The following EYA2 variants were observed in gnomAD, a reference collection of about 807,000 sequenced individuals.
EYA2 encodes the protein EYA transcriptional coactivator and phosphatase 2, also known as protein phosphatase EYA2.
A neutral mutation model predicts 69.2 loss-of-function variants in EYA2; 31 were observed. That is an observed-to-expected ratio of 0.45 (90% CI 0.34 to 0.60). The LOEUF (loss-of-function observed/expected upper bound fraction) is 0.60, where lower values mean the gene tolerates loss of function less well. Among genes scored for constraint, EYA2 ranks in the 20% least tolerant of loss-of-function variants. EYA2 has a pLI of 0.02. For synonymous variants in EYA2, 257 were observed against 279.4 expected, an observed-to-expected ratio of 0.92 and a Z score of 0.80; for missense variants, 622 against 701.2, an observed-to-expected ratio of 0.89 and a Z score of 1.28.
At position 47,171,520 on chromosome 20, in the gene EYA2, C is replaced by A. The variant is rs535672522; in HGVS notation, c.1038-1187C>A. Among the ~76,000 whole-genome samples, 8 of 152,166 alleles carry A rather than the reference C, an allele frequency of 5.3e-5. No individual in the cohort carries two copies. In the East Asian group the frequency reaches 1.4e-3, roughly 26 times the overall value. Reference sequence around the variant, plus strand: ...ATAACTCATTGCATATCCACAGTAACCCTAGGAGAGAGAGATGCTTTTATC... The same window carrying A: ...ATAACTCATTGCATATCCACAGTAAACCTAGGAGAGAGAGATGCTTTTATC... On this transcript the variant is annotated intron_variant, in intron 11 of 15. Transcript: ENST00000327619.
chr20:46,937,500 G>A (rs1161914108), intron 1 of EYA2, among the ~76,000 whole-genome samples: 1 of 152,154 alleles, frequency 6.6e-6, no homozygotes, highest in Non-Finnish European at 1.5e-5. Flanking sequence ...ACAGATTTTT[G>A]TTTTAGGATT....
intron 12 of EYA2, among the ~76,000 whole-genome samples, chr20:47,175,820 G>A (rs1453434866): frequency 2.0e-5 from 3 of 152,144 alleles, no homozygotes; most frequent in Non-Finnish European, 2.9e-5. Flanking sequence ...CCAGCTAAGG[G>A]TCTGTGGGGA....
At chr20:46,933,238 C>T (rs1307060164) in intron 1 of EYA2, among the ~76,000 whole-genome samples, 1 of 152,124 alleles carries the variant, frequency 6.6e-6, no homozygotes, top group Non-Finnish European at 1.5e-5. Context: ...TGCTTGGCTC[C>T]CTGCTGAGAA....
intron 9 of EYA2, among the ~76,000 whole-genome samples, chr20:47,121,789 T>C (rs2033052458): frequency 6.6e-6 from 1 of 152,158 alleles, no homozygotes; most frequent in African/African-American, 2.4e-5. Context: ...ACACAAGCTC[T>C]GCCCAAGACT....
At chr20:47,099,154 A>C (rs1244383672) in intron 9 of EYA2, among the ~76,000 whole-genome samples, 1 of 152,194 alleles carries the variant, frequency 6.6e-6, no homozygotes, top group African/African-American at 2.4e-5. Flanking sequence ...CCACCCAAGG[A>C]GTGAGGGAGC....
chr20:46,959,536 G>A (rs963946915), intron 1 of EYA2, among the ~76,000 whole-genome samples: 8 of 152,322 alleles, frequency 5.3e-5, no homozygotes, highest in Non-Finnish European at 1.0e-4. Flanking sequence ...TCCCTTTGCA[G>A]AACTTTATTC....
rs1568800662 is a variant in EYA2, at chr20:47,135,843, AAACAAACAAAC to A, written c.889-7213_889-7203del. ...CAAAAAAAAAAAAAAAAAAAAAAACAAACAAACAAACAAAAAACTAATTAATTAATTAATTA... is the reference window on the plus strand; with the variant it reads ...CAAAAAAAAAAAAAAAAAAAAAAACAAAAAAACTAATTAATTAATTAATTA... On this transcript the variant is annotated intron_variant, in intron 9 of 15. Coordinates refer to ENST00000327619, the MANE Select transcript of EYA2 (RefSeq NM_005244.5). 1.0e-3 allele frequency among the ~76,000 whole-genome samples: 70 copies of A among 67,990 alleles called. 8 individuals are homozygous for A. The African/African-American group carries it at 0.013, about 13-fold the overall frequency. 44.6% of individuals were successfully genotyped at this position (67,990 alleles called of 152,430 possible). A position where few individuals can be genotyped will look rare whatever the true frequency, so the allele number is the denominator to read the frequency against.
At chr20:47,089,909 G>C (rs984366839) in intron 8 of EYA2, among the ~76,000 whole-genome samples, 1 of 152,008 alleles carries the variant, frequency 6.6e-6, no homozygotes, top group Non-Finnish European at 1.5e-5. Flanking sequence ...AGGAACTAGG[G>C]GGGAGGAGGG....
chr20:47,063,392 C>CGTGTGCGTGTGCGTGTGT (rs1430441053), intron 5 of EYA2, among the ~76,000 whole-genome samples: 1 of 143,372 alleles, frequency 7.0e-6, no homozygotes, highest in Admixed American at 7.0e-5. Context: ...TGTGCGTGTG[C>CGTGTGCGTGTGCGTGTGT]GTGTGTGTGT....
intron 12 of EYA2, 65 bp from the exon 13 acceptor site, chr20:47,179,733 T>A (rs1192621798): frequency 8.5e-7 from 1 of 1,180,062 alleles, no homozygotes; most frequent in Non-Finnish European, 1.2e-6. Flanking sequence ...AGATTCCTGT[T>A]CCCTACCTTC....
At chr20:47,073,503 G>A (rs549770771) in intron 6 of EYA2, among the ~76,000 whole-genome samples, 208 of 151,778 alleles carry the variant, frequency 1.4e-3, no homozygotes, top group African/African-American at 4.7e-3. Context: ...GTGGGGGGGG[G>A]GTGCAGTGTG....
At chr20:47,103,258 T>C (rs1019799482) in intron 9 of EYA2, among the ~76,000 whole-genome samples, 14 of 152,136 alleles carry the variant, frequency 9.2e-5, no homozygotes, top group African/African-American at 3.4e-4. Context: ...CAGTCACCCC[T>C]GCCATTTCCT....
At chr20:47,088,917 T>C (rs1263718893) in intron 7 of EYA2, among the ~76,000 whole-genome samples, 1 of 152,220 alleles carries the variant, frequency 6.6e-6, no homozygotes, top group Admixed American at 6.5e-5. Flanking sequence ...CCTCCCGGGC[T>C]TGGTGTATGC....
intron 4 of EYA2, among the ~76,000 whole-genome samples, chr20:47,014,211 C>G (rs1395184159): frequency 6.6e-6 from 1 of 152,134 alleles, no homozygotes; most frequent in East Asian, 1.9e-4. Context: ...TTCCAGGTCA[C>G]CAGTCAATGA....
intron 5 of EYA2, among the ~76,000 whole-genome samples, chr20:47,036,003 C>T (rs183616562): frequency 4.2e-4 from 64 of 152,122 alleles, no homozygotes; most frequent in African/African-American, 1.5e-3. Context: ...AGAGTAAGAC[C>T]CTATTTCAAA....
At chr20:47,180,619 A>G (rs1339157331) in intron 13 of EYA2, among the ~76,000 whole-genome samples, 196 bp from the exon 14 acceptor site, 1 of 152,194 alleles carries the variant, frequency 6.6e-6, no homozygotes, top group Admixed American at 6.5e-5. Flanking sequence ...CCCATACTAC[A>G]TTTCACTATG....
chr20:47,008,226 A>G (rs1982839954), intron 4 of EYA2, among the ~76,000 whole-genome samples: 1 of 152,168 alleles, frequency 6.6e-6, no homozygotes, highest in Non-Finnish European at 1.5e-5. Context: ...CCTCAACCCT[A>G]CGAGGAAGGT....
chr20:46,939,400 G>C lies in EYA2; in HGVS notation c.-11+44413G>C, dbSNP rs571181976. Reference sequence around the variant, plus strand: ...AAAGCAAACCTGAGTGATAGAGATGGGGGGAGGGGAGACAAAGAGAGATAA... The same window carrying C: ...AAAGCAAACCTGAGTGATAGAGATGCGGGGAGGGGAGACAAAGAGAGATAA... On this transcript the variant is annotated intron_variant, in intron 1 of 15. Coordinates refer to ENST00000327619, the MANE Select transcript of EYA2 (RefSeq NM_005244.5). Among the ~76,000 whole-genome samples the C allele has an allele frequency of 2.0e-5, 3 of 152,208 alleles. No individual in the cohort carries two copies. In the East Asian group the frequency reaches 5.8e-4, roughly 29 times the overall value.
Position 46,953,533 on chromosome 20 carries a change from C to A in EYA2, c.-10-36468C>A, listed in dbSNP as rs111948111. Reference sequence around the variant, plus strand: ...CCCCAAACACAGGTTTAGAGTTGGCCTTGAGAACATCAGCGGTATGGACAG... The same window carrying A: ...CCCCAAACACAGGTTTAGAGTTGGCATTGAGAACATCAGCGGTATGGACAG... On this transcript the variant is annotated intron_variant, in intron 1 of 15. Transcript: ENST00000327619. 1.0e-3 allele frequency among the ~76,000 whole-genome samples: 153 copies of A among 152,276 alleles called. No individual in the cohort carries two copies. The Middle Eastern group carries it at 0.02, about 20-fold the overall frequency.
Sources: allele counts gnomAD v4.1 joint callset (sites outside exome capture counted in the v4.1 genomes callset), GRCh38; gene constraint gnomAD v4.1.1; transcripts MANE v1.5; gene names NCBI Gene and HGNC (gene_info 2026-07-23, HGNC 2026-07-21).